The following CRISPLD2 variants were observed in gnomAD, a reference collection of about 807,000 sequenced individuals.
The protein encoded by CRISPLD2 is cysteine-rich secretory protein LCCL domain-containing 2.
Under a neutral mutation model 71.1 loss-of-function variants are expected in CRISPLD2, and 47 were observed. The ratio of observed to expected loss-of-function variants is 0.66; its 90% CI spans 0.52 to 0.84. CRISPLD2 has a LOEUF of 0.84. Among genes scored for constraint, CRISPLD2 ranks in the 40% least tolerant of loss-of-function variants. The pLI, the probability that CRISPLD2 is intolerant of heterozygous loss-of-function variation, is 0.00. For missense variants in CRISPLD2, 830 were observed against 651.1 expected (o/e 1.27, Z -2.99); for synonymous variants, 317 against 250.1 (o/e 1.27, Z -2.52).
At chr16:84,864,112 A>G (rs1309473119) in intron 6 of CRISPLD2, among the ~76,000 whole-genome samples, 2 of 152,174 alleles carry the variant, frequency 1.3e-5, no homozygotes, top group African/African-American at 4.8e-5. Context: ...CCAGAAGGGA[A>G]TCTGCAGAGT....
At position 84,838,697 on chromosome 16, in the gene CRISPLD2, G is replaced by A. The variant is rs138134389; in HGVS notation, c.202G>A (p.Gly68Ser). The change falls in exon 2 of 15, where the codon GGC becomes AGC. Residue 68 changes from glycine (G) to serine (S), a missense_variant. Coordinates refer to ENST00000262424, the MANE Select transcript of CRISPLD2 (RefSeq NM_031476.4). Reference protein sequence around the residue: ...EILMLHNKLRGQVQPQASNME... With the variant: ...EILMLHNKLRSQVQPQASNME... ...CCTCATGCTGCACAACAAGCTTCGG[G>A]GCCAGGTGCAGCCTCAGGCCTCCAA... 59 of 1,614,064 alleles carry A rather than the reference G, an allele frequency of 3.7e-5. No individual in the cohort carries two copies. The highest frequency in any genetic ancestry group is 8.3e-5 in the Admixed American group (5 of 60,032).
intron 6 of CRISPLD2, chr16:84,862,945 G>C (rs1018145606): frequency 3.9e-5 from 6 of 152,288 alleles, no homozygotes; most frequent in Admixed American, 2.0e-4. Context: ...GATGGAAGAA[G>C]GAGCGATCTG....
intron 13 of CRISPLD2, among the ~76,000 whole-genome samples, chr16:84,883,326 G>A (rs967144206): frequency 3.3e-5 from 5 of 152,184 alleles, no homozygotes; most frequent in Non-Finnish European, 5.9e-5. Flanking sequence ...TCCTGCCTGC[G>A]GCTCCCGCCT....
At chr16:84,869,142 T>C (rs2071443206) in intron 8 of CRISPLD2, among the ~76,000 whole-genome samples, 1 of 152,228 alleles carries the variant, frequency 6.6e-6, no homozygotes, top group African/African-American at 2.4e-5. Context: ...CTGCTCCCAG[T>C]GGGCCCCACC....
chr16:84,905,666 CAGGTGTG>C (rs57249061), intron 14 of CRISPLD2, among the ~76,000 whole-genome samples: 119,994 of 148,484 alleles, frequency 0.81, 48,938 homozygotes, highest in African/African-American at 0.92. Context: ...GCTGGGATTC[CAGGTGTG>C]AGGTGTGAGC....
intron 7 of CRISPLD2, among the ~76,000 whole-genome samples, chr16:84,868,342 T>C (rs1223342825): frequency 6.6e-6 from 1 of 152,130 alleles, no homozygotes. Context: ...CTCTGATATG[T>C]TCCCATAAAA....
intron 6 of CRISPLD2, among the ~76,000 whole-genome samples, chr16:84,865,218 C>T (rs897996445): frequency 6.6e-6 from 1 of 150,502 alleles, no homozygotes; most frequent in Non-Finnish European, 1.5e-5. Flanking sequence ...TGCAGTGGCA[C>T]GATCTCCACT....
At chr16:84,889,156 T>C in intron 13 of CRISPLD2, 74 bp from the exon 14 acceptor site, 1 of 1,605,422 alleles carries the variant, frequency 6.2e-7, no homozygotes, top group South Asian at 1.1e-5. Flanking sequence ...CAGCAGTGAA[T>C]GATGGAGCCC....
chr16:84,856,385 T>C (rs1917241957), intron 6 of CRISPLD2, among the ~76,000 whole-genome samples: 1 of 152,180 alleles, frequency 6.6e-6, no homozygotes, highest in Admixed American at 6.5e-5. Flanking sequence ...CCTGTTGACT[T>C]AAGGGGAGGA....
At chr16:84,821,810 A>G (rs1384007342) in intron 1 of CRISPLD2, among the ~76,000 whole-genome samples, 2 of 152,216 alleles carry the variant, frequency 1.3e-5, no homozygotes, top group African/African-American at 2.4e-5. Context: ...CATTTACATG[A>G]TGCTTAGTAC....
intron 14 of CRISPLD2, among the ~76,000 whole-genome samples, chr16:84,901,183 G>A (rs1407400350): frequency 5.9e-5 from 9 of 152,092 alleles, no homozygotes; most frequent in African/African-American, 2.2e-4. Flanking sequence ...CAAATCCCGA[G>A]ATATATTGTT....
chr16:84,891,847 T>C (rs1202353442), intron 14 of CRISPLD2, among the ~76,000 whole-genome samples: 1 of 152,092 alleles, frequency 6.6e-6, no homozygotes, highest in Non-Finnish European at 1.5e-5. Flanking sequence ...GGGCTGTCGG[T>C]CTTTCTCTCT....
At chr16:84,883,385 T>A (rs915574328) in intron 13 of CRISPLD2, among the ~76,000 whole-genome samples, 22 of 152,234 alleles carry the variant, frequency 1.4e-4, no homozygotes, top group African/African-American at 4.6e-4. Context: ...TGTGGTGAGC[T>A]GCAGACAGAA....
chr16:84,874,673 A>G (rs1277557246), intron 11 of CRISPLD2, among the ~76,000 whole-genome samples: 1 of 152,216 alleles, frequency 6.6e-6, no homozygotes, highest in Non-Finnish European at 1.5e-5. Context: ...AGTTCTAGTT[A>G]GATATCTTTA....
intron 5 of CRISPLD2, among the ~76,000 whole-genome samples, chr16:84,852,816 C>T (rs572237131): frequency 1.3e-5 from 2 of 152,136 alleles, no homozygotes; most frequent in African/African-American, 4.8e-5. Flanking sequence ...TGCCTGTAAT[C>T]CCAGCCTCCT....
At chr16:84,828,042 C>T (rs1455424976) in intron 1 of CRISPLD2, among the ~76,000 whole-genome samples, 8 of 152,144 alleles carry the variant, frequency 5.3e-5, no homozygotes, top group Admixed American at 5.2e-4. Context: ...CTCCCAGTCC[C>T]GAGGGCAGAT....
At chr16:84,838,101 C>T (rs1189673875) in intron 1 of CRISPLD2, among the ~76,000 whole-genome samples, 1 of 152,168 alleles carries the variant, frequency 6.6e-6, no homozygotes, top group African/African-American at 2.4e-5. Flanking sequence ...TGAGATTCAC[C>T]TGAGTCCTGA....
At chr16:84,859,301 C>T (rs1043665508) in intron 6 of CRISPLD2, among the ~76,000 whole-genome samples, 24 of 152,178 alleles carry the variant, frequency 1.6e-4, no homozygotes, top group African/African-American at 5.3e-4. Flanking sequence ...AATTACCTGA[C>T]CTCCATAAGC....
At position 84,906,589 on chromosome 16, in the gene CRISPLD2, C is replaced by G. The variant is rs775820924; in HGVS notation, c.1441C>G (p.Leu481Val). ...SLRNGVQSES[L>V]GTPRDGKAFR... ...GGCCCTCTTTCTTCTTTTTTTCAGC[C>G]TGGGGACTCCTCGGGATGGAAAGGC... Residue 481 changes from leucine to valine, a missense_variant and splice_region_variant, in exon 15 of 15, where the codon CTG becomes GTG. By Grantham distance (32) the Leu-to-Val change is conservative. Coordinates refer to ENST00000262424, the MANE Select transcript of CRISPLD2 (RefSeq NM_031476.4). 6 of 1,612,876 alleles carry G rather than the reference C, an allele frequency of 3.7e-6. No individual in the cohort carries two copies. In the East Asian group the frequency reaches 1.1e-4, roughly 30 times the overall value.
Sources: allele counts gnomAD v4.1 joint callset (sites outside exome capture counted in the v4.1 genomes callset), GRCh38; gene constraint gnomAD v4.1.1; transcripts MANE v1.5; gene names NCBI Gene and HGNC (gene_info 2026-07-23, HGNC 2026-07-21).